DMKN: variants seen among roughly 807,000 people sequenced by gnomAD.
The protein encoded by DMKN is epidermis-specific secreted protein SK30/SK89.
In DMKN, 58 loss-of-function variants were observed where a neutral mutation model predicts 67.6. The observed-to-expected ratio is 0.86, with a 90% confidence interval of 0.69 to 1.07. The LOEUF is 1.07. Among genes scored for constraint, DMKN ranks in the 50% least tolerant of loss-of-function variants. The pLI, the probability that DMKN is intolerant of heterozygous loss-of-function variation, is 0.00. For missense variants in DMKN, 596 were observed against 601.5 expected (o/e 0.99, Z 0.10); for synonymous variants, 240 against 232.3 (o/e 1.03, Z -0.30).
At chr19:35,512,824 C>G in intron 1 of DMKN, 34 bp from the exon 2 acceptor site, 1 of 1,598,400 alleles carries the variant, frequency 6.3e-7, no homozygotes, top group South Asian at 1.1e-5. Flanking sequence ...TTAGTGGGAC[C>G]ATCTCTGACC....
intron 7 of DMKN, chr19:35,506,708 A>C: frequency 2.9e-6 from 1 of 341,320 alleles, no homozygotes; most frequent in Non-Finnish European, 5.9e-6. Context: ...TGGTGATTTT[A>C]ATATATATCT....
rs796135550 is a variant in DMKN, at chr19:35,505,579, C to T, written c.1134+139G>A. The T allele has an allele frequency of 3.8e-6, 4 of 1,064,340 alleles. No homozygotes were observed. The African/African-American group carries it at 6.4e-5, about 17-fold the overall frequency. 65.9% of individuals were successfully genotyped at this position (1,064,340 alleles called of 1,614,324 possible). A position where few individuals can be genotyped will look rare whatever the true frequency, so the allele number is the denominator to read the frequency against. On this transcript the variant is annotated intron_variant, in intron 9 of 15. Transcript: ENST00000339686. Reference sequence around the variant, plus strand: ...TCTCCTCTGTCCTCCCTCCTCCACCCCCAGTGTGTTTAGTTTTTGTTTTTA... The same window carrying T: ...TCTCCTCTGTCCTCCCTCCTCCACCTCCAGTGTGTTTAGTTTTTGTTTTTA...
intron 9 of DMKN, 55 bp from the exon 10 acceptor site, chr19:35,502,941 C>A: frequency 1.9e-6 from 3 of 1,555,566 alleles, no homozygotes; most frequent in Non-Finnish European, 2.6e-6. Flanking sequence ...CACTCACCCA[C>A]CCCTCCTCCT....
chr19:35,502,792 C>A, intron 10 of DMKN, 38 bp downstream of exon 10: 1 of 1,612,270 alleles, frequency 6.2e-7, no homozygotes, highest in Non-Finnish European at 8.5e-7. Flanking sequence ...TCAGGAGGGC[C>A]AGGCCCCCAG....
At chr19:35,502,984 T>C (rs982225894) in intron 9 of DMKN, 98 bp from the exon 10 acceptor site, 32 of 1,350,114 alleles carry the variant, frequency 2.4e-5, no homozygotes, top group Admixed American at 1.7e-4. Flanking sequence ...CAGAATGTCA[T>C]TGTGACTAAG....
chr19:35,499,056 G>T (rs1327134844), intron 13 of DMKN, 159 bp from the exon 14 acceptor site: 6 of 996,738 alleles, frequency 6.0e-6, no homozygotes, highest in Non-Finnish European at 9.0e-6. Context: ...CTGTGGAGTT[G>T]GTTTCACAGC....
chr19:35,503,408 C>T lies in DMKN; in HGVS notation c.1135-522G>A, dbSNP rs1178617264. ...GGGGCTCCCATCCAATCTGGTGGCTCCTTGTCTGGAGGTCACGGGATGCGA... is the reference window on the plus strand; with the variant it reads ...GGGGCTCCCATCCAATCTGGTGGCTTCTTGTCTGGAGGTCACGGGATGCGA... On this transcript the variant is annotated intron_variant, in intron 9 of 15. Coordinates refer to ENST00000339686, the MANE Select transcript of DMKN (RefSeq NM_033317.5). The T allele has an allele frequency of 1.9e-6, 3 of 1,551,142 alleles. No homozygotes were observed. The Admixed American group carries it at 5.9e-5, about 30-fold the overall frequency.
chr19:35,503,228 C>A, intron 9 of DMKN: 4 of 1,448,814 alleles, frequency 2.8e-6, no homozygotes, highest in Non-Finnish European at 1.8e-6. Flanking sequence ...TTTCCCGAAG[C>A]TGTGGGGCTG....
chr19:35,506,600 G>A (rs1370285491), intron 7 of DMKN: 2 of 464,588 alleles, frequency 4.3e-6, no homozygotes, highest in Middle Eastern at 3.2e-4. Context: ...AAGGCTGCGT[G>A]AGTCAGGTTT....
chr19:35,509,969 GGAGA>G lies in DMKN; in HGVS notation c.988-12_988-9del. The G allele has an allele frequency of 2.5e-6, 4 of 1,614,074 alleles. No homozygotes were observed. Among genetic ancestry groups the G allele is most frequent in the Non-Finnish European group, 3.4e-6 (4 of 1,179,974 alleles). ...ATTCCCTGGCTTTTCACACTGCCGG[GGAGA>G]GAAAGGGGAGACTTTCCCTCAGTCC... is the stretch of plus-strand genomic sequence containing the variant. On this transcript the variant is annotated splice_polypyrimidine_tract_variant and intron_variant, in intron 6 of 15. Transcript: ENST00000339686.
chr19:35,504,106 A>T (rs1368780454), intron 9 of DMKN, among the ~76,000 whole-genome samples: 7 of 152,124 alleles, frequency 4.6e-5, no homozygotes, highest in Non-Finnish European at 1.0e-4. Context: ...GAGCTGGCCC[A>T]GATGGATCCT....
chr19:35,510,053 C>T, intron 6 of DMKN, 92 bp from the exon 7 acceptor site: 2 of 1,582,598 alleles, frequency 1.3e-6, no homozygotes, highest in South Asian at 1.1e-5. Context: ...TGGGGCGAGC[C>T]GCTTCCGCTC....
intron 5 of DMKN, among the ~76,000 whole-genome samples, chr19:35,510,890 C>T (rs1019681623): frequency 6.6e-6 from 1 of 152,158 alleles, no homozygotes; most frequent in African/African-American, 2.4e-5. Flanking sequence ...GGCCCGGGGC[C>T]CTGGGGTGGC....
At chr19:35,500,470 A>G in intron 12 of DMKN, 63 bp downstream of exon 12, 2 of 1,576,622 alleles carry the variant, frequency 1.3e-6, no homozygotes, top group Non-Finnish European at 1.7e-6. Flanking sequence ...GATTGCCCAG[A>G]CCCGGGAGCA....
intron 9 of DMKN, chr19:35,503,210 C>G (rs1025623936): frequency 1.6e-5 from 23 of 1,437,598 alleles, no homozygotes; most frequent in Non-Finnish European, 1.9e-5. Flanking sequence ...CGGGCCTCCT[C>G]CAGCCCGTTT....
At chr19:35,510,159 TG>T in intron 6 of DMKN, 24 bp downstream of exon 6, 1 of 1,596,750 alleles carries the variant, frequency 6.3e-7, no homozygotes, top group Non-Finnish European at 8.5e-7. Flanking sequence ...CCGCGGTTGG[TG>T]GGAGATTCAC....
intron 11 of DMKN, 104 bp from the exon 12 acceptor site, chr19:35,500,684 T>G: frequency 3.1e-6 from 4 of 1,306,982 alleles, no homozygotes; most frequent in Non-Finnish European, 4.2e-6. Context: ...TTCCACGTGC[T>G]ACCTATAGAG....
At position 35,513,245 on chromosome 19, in the gene DMKN, T is replaced by A. The variant is rs1412455079; in HGVS notation, c.231A>T (p.Glu77Asp). 1.2e-6 allele frequency: 2 copies of A among 1,614,256 alleles called. No homozygotes were observed. The highest frequency in any genetic ancestry group is 1.7e-6 in the Non-Finnish European group (2 of 1,180,036). Residue 77 changes from glutamate to aspartate, a missense_variant, in exon 1 of 16, where the codon GAA becomes GAT. Glu to Asp is a conservative substitution (Grantham distance 45). Transcript: ENST00000339686. ...CCTGCCTGACTCCAGTGCCAACTGCTTCTCTGGTCCCTTGGCCAAGGGCCT... is the reference window on the plus strand; with the variant it reads ...CCTGCCTGACTCCAGTGCCAACTGCATCTCTGGTCCCTTGGCCAAGGGCCT... ...VSEALGQGTR[E>D]AVGTGVRQVP...
rs1247682540 is a variant in DMKN, at chr19:35,504,570, T to A, written c.1134+1148A>T. On this transcript the variant is annotated intron_variant, in intron 9 of 15. Coordinates refer to ENST00000339686, the MANE Select transcript of DMKN (RefSeq NM_033317.5). Reference sequence around the variant, plus strand: ...TCCAACCTGGGTGACAGAGCGAGACTCCGTCTCACCAAAAAAAAAAAAAAC... The same window carrying A: ...TCCAACCTGGGTGACAGAGCGAGACACCGTCTCACCAAAAAAAAAAAAAAC... Among the ~76,000 whole-genome samples the A allele has an allele frequency of 3.4e-5, 4 of 116,780 alleles. No homozygotes were observed. The East Asian group carries it at 9.5e-4, about 28-fold the overall frequency. The allele number at this position is 116,780 out of a possible 152,430, so 76.6% of individuals were successfully genotyped here. A position where few individuals can be genotyped will look rare whatever the true frequency, so the allele number is the denominator to read the frequency against.
Sources: gnomAD v4.1 joint callset for allele counts (sites outside exome capture counted in the v4.1 genomes callset) on GRCh38, gnomAD v4.1.1 for gene constraint, MANE v1.5 for transcripts, NCBI Gene and HGNC (gene_info 2026-07-23, HGNC 2026-07-21) for gene names.